Variants in DNAJC13 observed in about 807,000 individuals in gnomAD.
The protein encoded by DNAJC13 is dnaJ homolog subfamily C member 13.
In DNAJC13, 75 loss-of-function variants were observed where a neutral mutation model predicts 290.5. The observed-to-expected ratio is 0.26, with a 90% confidence interval of 0.21 to 0.31. The LOEUF (loss-of-function observed/expected upper bound fraction) is 0.31. Ranked by LOEUF, DNAJC13 falls within the 10% of genes least tolerant of loss-of-function variation. The probability of loss-of-function intolerance (pLI) is 1.00; values close to 1 mark genes in which losing one functional copy is unlikely to be tolerated. For synonymous variants in DNAJC13, 862 were observed against 892.0 expected, an observed-to-expected ratio of 0.97 and a Z score of 0.60; for missense variants, 2,260 against 2,674.5, an observed-to-expected ratio of 0.85 and a Z score of 3.42.
intron 43 of DNAJC13, among the ~76,000 whole-genome samples, chr3:132,508,419 A>G (rs1935662891): frequency 6.6e-6 from 1 of 152,368 alleles, no homozygotes; most frequent in South Asian, 2.1e-4. Context: ...GAGAGGAGCA[A>G]TGTCTGGCTT....
intron 20 of DNAJC13, among the ~76,000 whole-genome samples, chr3:132,471,995 G>A (rs1399325868): frequency 6.7e-6 from 1 of 149,158 alleles, no homozygotes; most frequent in Non-Finnish European, 1.5e-5. Context: ...TGCAATCCCG[G>A]CACCTCGGGA....
intron 1 of DNAJC13, among the ~76,000 whole-genome samples, chr3:132,426,950 C>T (rs1939106903): frequency 6.6e-6 from 1 of 151,498 alleles, no homozygotes; most frequent in South Asian, 2.1e-4. Flanking sequence ...ATAAGATTGA[C>T]TTGTAATAGT....
At chr3:132,499,927 C>A in intron 38 of DNAJC13, 119 bp downstream of exon 38, 2 of 864,114 alleles carry the variant, frequency 2.3e-6, no homozygotes, top group Non-Finnish European at 3.7e-6. Context: ...TCCACCCCAC[C>A]CCAAGTTTCT....
At position 132,505,383 on chromosome 3, in the gene DNAJC13, C is replaced by T; in HGVS notation, c.4966C>T (p.Leu1656Phe). 6.2e-7 allele frequency: 1 copy of T among 1,606,950 alleles called. No homozygotes were observed. The highest frequency in any genetic ancestry group is 1.7e-4 in the Middle Eastern group (1 of 6,034). ...TACAAGAGCAGAATTACTTGAATTT[C>T]TTGAATCCCAACAAGAAAACATGAT... ...NSTRAELLEF[L>F]ESQQENMIKK... Residue 1656 changes from leucine to phenylalanine, a missense_variant, in exon 42 of 56, where the codon CTT becomes TTT. Transcript: ENST00000260818.
intron 2 of DNAJC13, among the ~76,000 whole-genome samples, chr3:132,437,379 C>T (rs761612498): frequency 5.3e-5 from 8 of 152,090 alleles, no homozygotes; most frequent in Non-Finnish European, 1.0e-4. Flanking sequence ...GTTTCTTTTG[C>T]CATTTGTGCT....
intron 9 of DNAJC13, 119 bp from the exon 10 acceptor site, chr3:132,456,116 T>G: frequency 2.4e-6 from 2 of 823,390 alleles, no homozygotes; most frequent in Non-Finnish European, 1.9e-6. Context: ...GTGTTTCCCA[T>G]TGTAACTGTA....
chr3:132,537,003 A>G (rs867750460), intron 55 of DNAJC13, among the ~76,000 whole-genome samples: 11 of 152,206 alleles, frequency 7.2e-5, no homozygotes, highest in Admixed American at 2.0e-4. Flanking sequence ...TTTCACATCC[A>G]TAGTACCAAT....
rs757664843 is a variant in DNAJC13 at position 132,525,836 on chromosome 3, A to G, written c.6240+47A>G. ...AGTTTATAAGCTCCAGAATTTATCT[A>G]TGCTCCCTTCTTGACGGATATAAGT... On this transcript the variant is annotated intron_variant, in intron 52 of 55. Coordinates refer to ENST00000260818, the MANE Select transcript of DNAJC13 (RefSeq NM_015268.4). 37 of 1,578,168 alleles carry G rather than the reference A, an allele frequency of 2.3e-5. 1 individual carries two copies. The highest frequency in any genetic ancestry group is 1.7e-4 in the Middle Eastern group (1 of 5,752).
At chr3:132,428,965 C>T (rs548160158) in intron 1 of DNAJC13, among the ~76,000 whole-genome samples, 1 of 151,824 alleles carries the variant, frequency 6.6e-6, no homozygotes, top group South Asian at 2.1e-4. Flanking sequence ...AAACTCCTGA[C>T]TTTGTAATTT....
chr3:132,467,798 A>G (rs1934052708), intron 20 of DNAJC13, among the ~76,000 whole-genome samples: 1 of 152,082 alleles, frequency 6.6e-6, no homozygotes, highest in African/African-American at 2.4e-5. Context: ...ATATTTTTGT[A>G]TACATTTTCC....
chr3:132,431,192 C>T (rs1318320859), intron 1 of DNAJC13, among the ~76,000 whole-genome samples: 1 of 152,158 alleles, frequency 6.6e-6, no homozygotes, highest in Non-Finnish European at 1.5e-5. Context: ...TTTTTGAGCA[C>T]CTGTTTTGTA....
chr3:132,512,848 T>C (rs1474868818), intron 44 of DNAJC13, among the ~76,000 whole-genome samples, 160 bp from the exon 45 acceptor site: 1 of 152,216 alleles, frequency 6.6e-6, no homozygotes, highest in Admixed American at 6.5e-5. Flanking sequence ...TTAAGACTTA[T>C]TGTTCCTTAG....
chr3:132,495,216 A>G (rs1935198873), intron 35 of DNAJC13, 50 bp downstream of exon 35: 3 of 1,441,374 alleles, frequency 2.1e-6, no homozygotes, highest in South Asian at 2.3e-5. Flanking sequence ...TTGCTCTATT[A>G]TTATGTAGTT....
intron 31 of DNAJC13, 108 bp downstream of exon 31, chr3:132,489,129 T>A (rs1934979421): frequency 2.5e-6 from 2 of 815,808 alleles, no homozygotes; most frequent in South Asian, 3.4e-5. Flanking sequence ...TACTTGAGGG[T>A]AGGTATTGTT....
In DNAJC13 at chr3:132,505,594, A is replaced by G. The variant is rs111635891; in HGVS notation, c.4998+179A>G. On this transcript the variant is annotated intron_variant, in intron 42 of 55. Coordinates refer to ENST00000260818, the MANE Select transcript of DNAJC13 (RefSeq NM_015268.4). ...AGCATTGTGTTGTATGTAGTAATAC[A>G]TTAGGAATTTTTATTGTTGTTACCA... is the stretch of plus-strand genomic sequence containing the variant. 6.0e-3 allele frequency among the ~76,000 whole-genome samples: 909 copies of G among 152,324 alleles called. 9 individuals carry two copies. Among genetic ancestry groups the G allele is most frequent in the East Asian group, 0.029 (151 of 5,184 alleles).
At chr3:132,444,282 G>C (rs1933173015) in intron 2 of DNAJC13, among the ~76,000 whole-genome samples, 1 of 152,198 alleles carries the variant, frequency 6.6e-6, no homozygotes, top group East Asian at 1.9e-4. Flanking sequence ...GTGCTAAAAA[G>C]GTTGGGGACT....
chr3:132,458,226 T>G (rs1933678735), intron 13 of DNAJC13: 1 of 152,210 alleles, frequency 6.6e-6, no homozygotes, highest in African/African-American at 2.4e-5. Context: ...TAGTACAGTT[T>G]TGAAGTTTCT....
rs749087587 is a variant in DNAJC13 at position 132,478,147 on chromosome 3, A to T, written c.2709+7A>T. ...CATTGGAATGTTAGAGAGGGTAAGG[A>T]TATCATTTAAGGAAATTACTATTTG... is the stretch of plus-strand genomic sequence containing the variant. On this transcript the variant is annotated splice_region_variant and intron_variant, in intron 24 of 55. Coordinates refer to ENST00000260818, the MANE Select transcript of DNAJC13 (RefSeq NM_015268.4). The T allele has an allele frequency of 2.5e-6, 4 of 1,591,862 alleles. No homozygotes were observed. The South Asian group carries it at 4.6e-5, about 18-fold the overall frequency.
intron 43 of DNAJC13, among the ~76,000 whole-genome samples, chr3:132,507,577 A>T (rs1935635355): frequency 6.6e-6 from 1 of 151,888 alleles, no homozygotes; most frequent in South Asian, 2.1e-4. Flanking sequence ...TCTCTGTGTC[A>T]CATTTTGGTA....
Sources: gnomAD v4.1 joint callset for allele counts (sites outside exome capture counted in the v4.1 genomes callset) on GRCh38, gnomAD v4.1.1 for gene constraint, MANE v1.5 for transcripts, NCBI Gene and HGNC (gene_info 2026-07-23, HGNC 2026-07-21) for gene names.